The following NMT2 variants were observed in gnomAD, a reference collection of about 807,000 sequenced individuals.
NMT2 encodes N-myristoyltransferase 2.
A neutral mutation model predicts 65.4 loss-of-function variants in NMT2; 35 were observed. The observed-to-expected ratio is 0.54, with a 90% CI of 0.41 to 0.71. The LOEUF (loss-of-function observed/expected upper bound fraction) is 0.71. NMT2 is among the 30% of genes least tolerant of loss of function. The pLI is 0.00. For synonymous variants in NMT2, 226 were observed against 231.8 expected (o/e 0.98, Z 0.23); for missense variants, 489 against 611.3 (o/e 0.80, Z 2.11).
At chr10:15,127,588 A>AAAAT (rs1304320201) in intron 8 of NMT2, among the ~76,000 whole-genome samples, 12 of 81,278 alleles carry the variant, frequency 1.5e-4, no homozygotes, top group Admixed American at 9.2e-4. Flanking sequence ...ATAAATAAAT[A>AAAAT]AATAAATAAA....
Position 15,108,850 on chromosome 10 carries a change from C to A in NMT2, c.*345G>T. On this transcript the variant is annotated 3_prime_UTR_variant, in exon 12 of 12. Coordinates refer to ENST00000378165, the MANE Select transcript of NMT2 (RefSeq NM_004808.3). Reference sequence around the variant, plus strand: ...CCACACAATAGCAAAGATTTTCTTACATGACTCTGTAACTTCTACTTAGTC... The same window carrying A: ...CCACACAATAGCAAAGATTTTCTTAAATGACTCTGTAACTTCTACTTAGTC... 9.3e-7 allele frequency: 1 copy of A among 1,071,190 alleles called. No individual in the cohort carries two copies. Among genetic ancestry groups the A allele is most frequent in the Non-Finnish European group, 1.1e-6 (1 of 886,072 alleles). The allele number at this position is 1,071,190 out of a possible 1,614,324, so 66.4% of individuals were successfully genotyped here.
intron 1 of NMT2, among the ~76,000 whole-genome samples, chr10:15,160,615 A>T (rs1159411449): frequency 6.6e-6 from 1 of 152,002 alleles, no homozygotes; most frequent in Non-Finnish European, 1.5e-5. Context: ...CTCTACTAAA[A>T]ATACAAAAAT....
At chr10:15,160,220 G>GC (rs1381250914) in intron 1 of NMT2, among the ~76,000 whole-genome samples, 2 of 152,154 alleles carry the variant, frequency 1.3e-5, no homozygotes, top group African/African-American at 4.8e-5. Context: ...AGCCACAAAC[G>GC]CTTCAGCAAA....
chr10:15,149,891 T>C (rs1832744453), intron 1 of NMT2, among the ~76,000 whole-genome samples: 1 of 152,202 alleles, frequency 6.6e-6, no homozygotes, highest in Non-Finnish European at 1.5e-5. Flanking sequence ...ATTTATGTAC[T>C]TCCTTGGGTT....
At chr10:15,161,016 G>T (rs979942846) in intron 1 of NMT2, among the ~76,000 whole-genome samples, 1 of 142,210 alleles carries the variant, frequency 7.0e-6, no homozygotes, top group African/African-American at 2.7e-5. Flanking sequence ...GATCACCTGA[G>T]GTCAAGGTCA....
intron 8 of NMT2, among the ~76,000 whole-genome samples, chr10:15,121,293 T>G (rs77780329): frequency 1.1e-3 from 175 of 152,316 alleles, no homozygotes; most frequent in African/African-American, 3.8e-3. Context: ...TAAGAAATAT[T>G]GTTAAAGGAA....
At chr10:15,133,609 C>T (rs112550849) in intron 3 of NMT2, among the ~76,000 whole-genome samples, 10,258 of 151,960 alleles carry the variant, frequency 0.068, 1,146 homozygotes, top group African/African-American at 0.23. Context: ...TCTTTTGAGA[C>T]GGGGTCTCAC....
chr10:15,163,069 C>T (rs1262928391), intron 1 of NMT2, among the ~76,000 whole-genome samples: 1 of 151,998 alleles, frequency 6.6e-6, no homozygotes, highest in African/African-American at 2.4e-5. Flanking sequence ...GCATGCACCA[C>T]CATGTCTAGC....
At chr10:15,141,640 C>CA in intron 1 of NMT2, 83 bp from the exon 2 acceptor site, 1 of 1,471,268 alleles carries the variant, frequency 6.8e-7, no homozygotes, top group African/African-American at 1.4e-5. Flanking sequence ...TTAATCATTT[C>CA]AAAAAACACA....
intron 1 of NMT2, chr10:15,155,282 G>A (rs1832955818): frequency 7.1e-7 from 1 of 1,404,206 alleles, no homozygotes; most frequent in South Asian, 1.2e-5. Flanking sequence ...AGGCCTCGCT[G>A]TTGATGGCGA....
chr10:15,153,910 C>T (rs149609922), intron 1 of NMT2, among the ~76,000 whole-genome samples: 4 of 152,162 alleles, frequency 2.6e-5, no homozygotes, highest in African/African-American at 4.8e-5. Context: ...GCCTCGCCCC[C>T]CAAAGTGCTG....
intron 1 of NMT2, among the ~76,000 whole-genome samples, chr10:15,147,087 C>A (rs1846988759): frequency 1.0e-5 from 1 of 96,150 alleles, no homozygotes; most frequent in Non-Finnish European, 1.9e-5. Context: ...GAAAGATCCT[C>A]TCGCTCTCAA....
intron 1 of NMT2, among the ~76,000 whole-genome samples, chr10:15,145,645 G>A (rs1369777030): frequency 6.6e-6 from 1 of 152,204 alleles, no homozygotes; most frequent in East Asian, 1.9e-4. Context: ...CTCCCAAAGT[G>A]CTGGGATTAG....
chr10:15,155,420 G>T, intron 1 of NMT2: 1 of 542,162 alleles, frequency 1.8e-6, no homozygotes, highest in Non-Finnish European at 3.3e-6. Context: ...CCAGGCTGAA[G>T]TGCAGTGATG....
chr10:15,148,592 C>T (rs1380136313), intron 1 of NMT2, among the ~76,000 whole-genome samples: 3 of 152,144 alleles, frequency 2.0e-5, no homozygotes, highest in African/African-American at 4.8e-5. Flanking sequence ...AGCTGGCACA[C>T]AGAAATCATT....
rs1458647399 is a variant in NMT2, at chr10:15,106,717, T to C, written c.*2478A>G. On this transcript the variant is annotated 3_prime_UTR_variant, in exon 12 of 12. Transcript: ENST00000378165. ...AAACTTTCTGTAAAAGACCAGAGAGTGAATATCTTAGGCTTTGCAGGCCAC... is the reference window on the plus strand; with the variant it reads ...AAACTTTCTGTAAAAGACCAGAGAGCGAATATCTTAGGCTTTGCAGGCCAC... The C allele has an allele frequency of 1.1e-6, 1 of 917,784 alleles. No individual in the cohort carries two copies. The highest frequency in any genetic ancestry group is 1.3e-6 in the Non-Finnish European group (1 of 768,520). The allele number at this position is 917,784 out of a possible 1,614,324, so 56.9% of individuals were successfully genotyped here. A position where few individuals can be genotyped will look rare whatever the true frequency, so the allele number is the denominator to read the frequency against.
Position 15,168,440 on chromosome 10 carries a change from G to C in NMT2, c.110+63C>G. 3 of 1,274,326 alleles carry C rather than the reference G, an allele frequency of 2.4e-6. No individual in the cohort carries two copies. The South Asian group carries it at 3.6e-5, about 15-fold the overall frequency. The allele number at this position is 1,274,326 out of a possible 1,614,324, so 78.9% of individuals were successfully genotyped here. A position where few individuals can be genotyped will look rare whatever the true frequency, so the allele number is the denominator to read the frequency against. On this transcript the variant is annotated intron_variant, in intron 1 of 11. Transcript: ENST00000378165. ...CAGTCCTGGGAGCCACCCCCGAACG[G>C]GAGACCGTGGCGCGCGCGGTCCCCG...
At chr10:15,117,558 G>T (rs1327988561) in intron 9 of NMT2, among the ~76,000 whole-genome samples, 2 of 152,122 alleles carry the variant, frequency 1.3e-5, no homozygotes, top group Non-Finnish European at 2.9e-5. Context: ...ATTAATGCAA[G>T]ACCAATAAAT....
intron 2 of NMT2, among the ~76,000 whole-genome samples, chr10:15,140,699 CTG>C (rs1846722411): frequency 6.6e-6 from 1 of 152,062 alleles, no homozygotes; most frequent in African/African-American, 2.4e-5. Context: ...ACCCTTTTCA[CTG>C]TGAGTTTCTT....
Sources: gnomAD v4.1 joint callset for allele counts (sites outside exome capture counted in the v4.1 genomes callset) on GRCh38, gnomAD v4.1.1 for gene constraint, MANE v1.5 for transcripts, NCBI Gene and HGNC (gene_info 2026-07-23, HGNC 2026-07-21) for gene names.